SPMIP2: variants seen among roughly 807,000 people sequenced by gnomAD.
The protein encoded by SPMIP2 is sperm microtubule inner protein 2.
chr4:159,004,289 C>CTTTTTT, the SPMIP2 span, among the ~76,000 whole-genome samples: 21,423 of 78,616 alleles, frequency 0.27, 4,851 homozygotes, highest in Middle Eastern at 0.39. Context: ...ACTCTGTGCT[C>CTTTTTT]TTTTTTTTTT....
At chr4:159,056,073 TTCC>T in the SPMIP2 span, among the ~76,000 whole-genome samples, 3 of 152,194 alleles carry the variant, frequency 2.0e-5, no homozygotes, top group Non-Finnish European at 4.4e-5. Context: ...CTCCTCCCAG[TTCC>T]TCATTTCCTT....
At chr4:159,044,099 T>C in the SPMIP2 span, among the ~76,000 whole-genome samples, 2 of 152,098 alleles carry the variant, frequency 1.3e-5, no homozygotes, top group Admixed American at 1.3e-4. Context: ...CTTTTCTTGT[T>C]GTATATTTTA....
At chr4:158,923,318 C>T in the SPMIP2 span, among the ~76,000 whole-genome samples, 1 of 152,156 alleles carries the variant, frequency 6.6e-6, no homozygotes, top group Non-Finnish European at 1.5e-5. Context: ...ATAGGGACTG[C>T]ATTGAATCTG....
chr4:159,071,382 T>C, the SPMIP2 span, among the ~76,000 whole-genome samples: 2 of 152,168 alleles, frequency 1.3e-5, no homozygotes, highest in African/African-American at 4.8e-5. Flanking sequence ...GAGCTTCCTC[T>C]TGAGGACAAA....
the SPMIP2 span, among the ~76,000 whole-genome samples, chr4:159,041,267 G>T: frequency 3.7e-3 from 566 of 152,266 alleles, 3 homozygotes; most frequent in African/African-American, 0.013. Context: ...CTTAATTGGG[G>T]ATGATGCAAC....
the SPMIP2 span, among the ~76,000 whole-genome samples, chr4:158,984,085 G>C: frequency 6.1e-5 from 8 of 130,288 alleles, no homozygotes; most frequent in South Asian, 5.6e-4. Context: ...AATTCAACAA[G>C]AAGAGCTATC....
the SPMIP2 span, among the ~76,000 whole-genome samples, chr4:158,973,915 G>T: frequency 6.7e-6 from 1 of 149,900 alleles, no homozygotes; most frequent in Non-Finnish European, 1.5e-5. Flanking sequence ...AAGCCCAGGA[G>T]GTGGAGGCTG....
At chr4:158,983,766 A>C in the SPMIP2 span, among the ~76,000 whole-genome samples, 2 of 9,406 alleles carry the variant, frequency 2.1e-4, no homozygotes, top group African/African-American at 8.0e-4. Context: ...CTAACATCAT[A>C]ATGACAGGAC....
chr4:159,051,598 A>G, the SPMIP2 span, among the ~76,000 whole-genome samples: 1 of 152,240 alleles, frequency 6.6e-6, no homozygotes, highest in Non-Finnish European at 1.5e-5. Context: ...CTTATCTGTC[A>G]TGAGATGTAA....
At chr4:158,915,771 A>C in the SPMIP2 span, among the ~76,000 whole-genome samples, 1 of 152,194 alleles carries the variant, frequency 6.6e-6, no homozygotes. Flanking sequence ...TTCTATTCCA[A>C]GCTCTGGCTT....
the SPMIP2 span, among the ~76,000 whole-genome samples, chr4:158,948,975 T>C: frequency 6.6e-6 from 1 of 152,166 alleles, no homozygotes; most frequent in Admixed American, 6.5e-5. Flanking sequence ...TTTCCTTCTG[T>C]TTTCTCTGAC....
the SPMIP2 span, among the ~76,000 whole-genome samples, chr4:158,930,711 G>A: frequency 1.3e-5 from 2 of 152,068 alleles, no homozygotes; most frequent in African/African-American, 4.8e-5. Flanking sequence ...TGCCCAGGCT[G>A]TTCTCAAACT....
chr4:158,948,516 A>G, the SPMIP2 span, among the ~76,000 whole-genome samples: 1 of 151,362 alleles, frequency 6.6e-6, no homozygotes, highest in Non-Finnish European at 1.5e-5. Flanking sequence ...TAAATATCCT[A>G]ATTTTCTTCT....
At chr4:158,911,461 T>C in the SPMIP2 span, among the ~76,000 whole-genome samples, 3 of 152,240 alleles carry the variant, frequency 2.0e-5, no homozygotes, top group Admixed American at 2.0e-4. Context: ...ACCAGATAAT[T>C]CTGTGTTCTA....
the SPMIP2 span, among the ~76,000 whole-genome samples, chr4:158,969,401 A>T: frequency 1.1e-4 from 16 of 152,116 alleles, no homozygotes; most frequent in African/African-American, 3.6e-4. Context: ...ATTTTTTTTT[A>T]AAGAATGTGC....
chr4:158,976,564 T>A, the SPMIP2 span, among the ~76,000 whole-genome samples: 1 of 152,160 alleles, frequency 6.6e-6, no homozygotes. Context: ...TTGTCATTGG[T>A]TCTGTTTATG....
At chr4:158,989,402 A>C in the SPMIP2 span, among the ~76,000 whole-genome samples, 1 of 152,216 alleles carries the variant, frequency 6.6e-6, no homozygotes, top group Non-Finnish European at 1.5e-5. Context: ...TATGAAACCA[A>C]AAAAGAGCCC....
the SPMIP2 span, among the ~76,000 whole-genome samples, chr4:158,941,095 C>A: frequency 6.6e-6 from 1 of 152,018 alleles, no homozygotes; most frequent in African/African-American, 2.4e-5. Flanking sequence ...TATGTCTAGG[C>A]CTTTACAGAG....
chr4:158,947,726 C>T, the SPMIP2 span, among the ~76,000 whole-genome samples: 47 of 151,174 alleles, frequency 3.1e-4, no homozygotes, highest in Middle Eastern at 6.8e-3. Context: ...ACAAAAAGTC[C>T]GAGAGATGGA....
Sources: allele counts gnomAD v4.1 joint callset (sites outside exome capture counted in the v4.1 genomes callset), GRCh38; gene constraint gnomAD v4.1.1; transcripts MANE v1.5; gene names NCBI Gene and HGNC (gene_info 2026-07-23, HGNC 2026-07-21).